CDC73: variants seen among roughly 807,000 people sequenced by gnomAD.
CDC73 encodes the protein cell division cycle 73.
In CDC73, 21 loss-of-function variants were observed where a neutral mutation model predicts 83.7. That is an observed-to-expected ratio of 0.25 (90% CI 0.18 to 0.36). The LOEUF (loss-of-function observed/expected upper bound fraction) is 0.36. CDC73 is among the 10% of genes least tolerant of loss of function. The pLI is 1.00. For synonymous variants in CDC73, 224 were observed against 212.9 expected (o/e 1.05, Z -0.45); for missense variants, 342 against 653.3 (o/e 0.52, Z 5.19).
intron 13 of CDC73, among the ~76,000 whole-genome samples, chr1:193,223,209 G>C (rs572153293): frequency 2.0e-5 from 3 of 148,538 alleles, no homozygotes; most frequent in Admixed American, 6.9e-5. Flanking sequence ...TTTCTTGTGG[G>C]TTTAGTTTTT....
intron 10 of CDC73, chr1:193,186,525 G>A (rs72722414): frequency 0.019 from 2,906 of 152,672 alleles, 47 homozygotes; most frequent in Middle Eastern, 0.061. Flanking sequence ...CTGCAGGAAG[G>A]ATTTTGAGCA....
Position 193,172,091 on chromosome 1 carries a change from ATAT to A in CDC73, c.972+19649_972+19651del, listed in dbSNP as rs1164174227. On this transcript the variant is annotated intron_variant, in intron 10 of 16. Coordinates refer to ENST00000367435, the MANE Select transcript of CDC73 (RefSeq NM_024529.5). ...AGGTGTGCGCCACCACACCTGGCTA[ATAT>A]TTGTATTTTTAGTTTGGATGGGGTT... Among the ~76,000 whole-genome samples, 3 of 152,004 alleles carry A rather than the reference ATAT, an allele frequency of 2.0e-5. No individual in the cohort carries two copies. In the East Asian group the frequency reaches 5.8e-4, roughly 30 times the overall value.
rs143306610 is a variant in CDC73, at chr1:193,145,646, A to T, written c.730-2221A>T. On this transcript the variant is annotated intron_variant, in intron 7 of 16. Coordinates refer to ENST00000367435, the MANE Select transcript of CDC73 (RefSeq NM_024529.5). ...AATTTTAATCTTTAATTCAATAGAT[A>T]CTGTAGTTCACACAAACTTAAAGCT... Among the ~76,000 whole-genome samples, 350 of 152,310 alleles carry T rather than the reference A, an allele frequency of 2.3e-3. 6 individuals are homozygous for T. The highest frequency in any genetic ancestry group is 0.021 in the Admixed American group (324 of 15,300).
intron 7 of CDC73, among the ~76,000 whole-genome samples, chr1:193,147,520 A>T (rs974189914): frequency 1.3e-5 from 2 of 151,990 alleles, no homozygotes; most frequent in African/African-American, 4.8e-5. Context: ...GGCACCTGCC[A>T]CCACGCCCAG....
intron 10 of CDC73, among the ~76,000 whole-genome samples, chr1:193,178,263 C>T (rs527334506): frequency 6.6e-6 from 1 of 152,122 alleles, no homozygotes; most frequent in East Asian, 1.9e-4. Flanking sequence ...TATCAGATTA[C>T]TATCGTTTTT....
intron 10 of CDC73, among the ~76,000 whole-genome samples, chr1:193,194,105 A>G (rs1002077462): frequency 3.3e-5 from 5 of 152,168 alleles, no homozygotes; most frequent in Non-Finnish European, 7.4e-5. Context: ...GCAAATTTAT[A>G]TGGTATACCA....
At chr1:193,129,067 G>A (rs1411049372) in intron 2 of CDC73, among the ~76,000 whole-genome samples, 1 of 148,518 alleles carries the variant, frequency 6.7e-6, no homozygotes, top group African/African-American at 2.5e-5. Context: ...GCGTGATCTC[G>A]GCTTACTGCA....
chr1:193,135,499 C>A (rs369812032), intron 4 of CDC73, 38 bp from the exon 5 acceptor site: 3 of 1,609,870 alleles, frequency 1.9e-6, no homozygotes, highest in Non-Finnish European at 2.6e-6. Context: ...AAGCCCATTC[C>A]AAAACTACAC....
At chr1:193,172,077 A>G (rs1310223155) in intron 10 of CDC73, among the ~76,000 whole-genome samples, 1 of 151,992 alleles carries the variant, frequency 6.6e-6, no homozygotes, top group East Asian at 1.9e-4. Flanking sequence ...GGTGTGCGCC[A>G]CCACACCTGG....
chr1:193,181,583 G>GT, intron 10 of CDC73: 1 of 1,537,418 alleles, frequency 6.5e-7, no homozygotes, highest in Non-Finnish European at 8.7e-7. Flanking sequence ...TCCAGTAGTG[G>GT]TATATGAGAG....
At chr1:193,145,986 A>G (rs760680248) in intron 7 of CDC73, among the ~76,000 whole-genome samples, 7 of 152,204 alleles carry the variant, frequency 4.6e-5, no homozygotes, top group Non-Finnish European at 1.0e-4. Context: ...CAGCAAGGGC[A>G]GTTAACTTAG....
At chr1:193,196,860 GTTAT>G (rs1310591065) in intron 10 of CDC73, among the ~76,000 whole-genome samples, 2 of 152,108 alleles carry the variant, frequency 1.3e-5, no homozygotes, top group Non-Finnish European at 2.9e-5. Flanking sequence ...TCATTTCTAG[GTTAT>G]TTAACATACA....
chr1:193,179,283 C>T (rs1160416363), intron 10 of CDC73: 1 of 152,168 alleles, frequency 6.6e-6, no homozygotes, highest in Non-Finnish European at 1.5e-5. Flanking sequence ...CATGTGTACA[C>T]CTGCTGTCAG....
At chr1:193,187,692 T>C (rs1218483185) in intron 10 of CDC73, among the ~76,000 whole-genome samples, 3 of 152,156 alleles carry the variant, frequency 2.0e-5, no homozygotes, top group Non-Finnish European at 4.4e-5. Context: ...CATTAATATA[T>C]GCTATTTCAA....
intron 11 of CDC73, among the ~76,000 whole-genome samples, chr1:193,207,120 A>C (rs1343394561): frequency 6.6e-6 from 1 of 152,198 alleles, no homozygotes; most frequent in Admixed American, 6.5e-5. Flanking sequence ...CAGGGGTAAC[A>C]TCACATATTG....
chr1:193,176,648 C>A (rs1042503380), intron 10 of CDC73, among the ~76,000 whole-genome samples: 1 of 152,164 alleles, frequency 6.6e-6, no homozygotes, highest in Admixed American at 6.5e-5. Flanking sequence ...TTAGAAATGT[C>A]TGTCAATAGG....
chr1:193,187,496 CTTCTT>C, intron 10 of CDC73, among the ~76,000 whole-genome samples: 1 of 152,120 alleles, frequency 6.6e-6, no homozygotes, highest in East Asian at 1.9e-4. Flanking sequence ...GGGCTGGCAC[CTTCTT>C]TTCTTACTGC....
At chr1:193,250,002 T>C (rs963349772) in intron 16 of CDC73, 131 bp downstream of exon 16, 5 of 819,892 alleles carry the variant, frequency 6.1e-6, no homozygotes, top group Admixed American at 2.0e-5. Flanking sequence ...TTGATGCTTA[T>C]CTTCAGTACA....
At chr1:193,203,172 C>A in intron 10 of CDC73, among the ~76,000 whole-genome samples, 1 of 152,218 alleles carries the variant, frequency 6.6e-6, no homozygotes, top group African/African-American at 2.4e-5. Flanking sequence ...AATTGATATA[C>A]TTCAACACTT....
Sources: allele counts gnomAD v4.1 joint callset (sites outside exome capture counted in the v4.1 genomes callset), GRCh38; gene constraint gnomAD v4.1.1; transcripts MANE v1.5; gene names NCBI Gene and HGNC (gene_info 2026-07-23, HGNC 2026-07-21).